CWC27: variants seen among roughly 807,000 people sequenced by gnomAD.
The protein encoded by CWC27 is CWC27 spliceosome associated cyclophilin.
In CWC27, 47 loss-of-function variants were observed where a neutral mutation model predicts 63.6. The ratio of observed to expected loss-of-function variants is 0.74; its 90% CI spans 0.58 to 0.94. The LOEUF (loss-of-function observed/expected upper bound fraction) is 0.94. CWC27 is among the 40% of genes least tolerant of loss of function. The pLI is 0.00. For missense variants in CWC27, 495 were observed against 554.3 expected (o/e 0.89, Z 1.07); for synonymous variants, 175 against 179.8 (o/e 0.97, Z 0.22).
intron 10 of CWC27, among the ~76,000 whole-genome samples, chr5:64,842,427 C>T (rs936303356): frequency 2.2e-4 from 34 of 151,964 alleles, no homozygotes; most frequent in African/African-American, 8.2e-4. Context: ...CCTCAGCCTC[C>T]TGAGTAGCTG....
chr5:64,860,412 G>T (rs1476481130), intron 10 of CWC27, among the ~76,000 whole-genome samples: 2 of 152,146 alleles, frequency 1.3e-5, no homozygotes, highest in Non-Finnish European at 2.9e-5. Flanking sequence ...CTAAGTGCCT[G>T]TGTTACCCTA....
At chr5:64,942,190 C>T (rs1406765928) in intron 11 of CWC27, among the ~76,000 whole-genome samples, 3 of 151,636 alleles carry the variant, frequency 2.0e-5, no homozygotes, top group Non-Finnish European at 2.9e-5. Flanking sequence ...TTTTAGGAGG[C>T]TGAGACAGGA....
intron 11 of CWC27, among the ~76,000 whole-genome samples, 193 bp downstream of exon 11, chr5:64,885,739 T>TGTGTG (rs1427858737): frequency 0.014 from 337 of 24,292 alleles, 2 homozygotes; most frequent in African/African-American, 0.026. Context: ...GTGTGTGTGT[T>TGTGTG]TTTAATACTT....
chr5:64,873,317 A>G (rs554989355), intron 10 of CWC27, among the ~76,000 whole-genome samples: 1 of 152,296 alleles, frequency 6.6e-6, no homozygotes, highest in Admixed American at 6.5e-5. Flanking sequence ...TAGTATTTCA[A>G]TTTTTAAAAT....
intron 13 of CWC27, among the ~76,000 whole-genome samples, chr5:65,011,435 C>T (rs1749954800): frequency 6.6e-6 from 1 of 152,186 alleles, no homozygotes; most frequent in Non-Finnish European, 1.5e-5. Flanking sequence ...AGATAACACT[C>T]AGCTAACTGA....
intron 11 of CWC27, among the ~76,000 whole-genome samples, chr5:64,969,884 A>G (rs1227838082): frequency 6.6e-6 from 1 of 152,132 alleles, no homozygotes; most frequent in Non-Finnish European, 1.5e-5. Context: ...GAATTAAGCA[A>G]GGAGAATTAA....
chr5:64,826,695 G>GTT (rs750357983), intron 10 of CWC27, among the ~76,000 whole-genome samples: 155 of 84,946 alleles, frequency 1.8e-3, no homozygotes, highest in African/African-American at 7.1e-3. Context: ...TAACTTTGGT[G>GTT]TTTTTTTGTT....
At chr5:64,963,376 T>C (rs1006842662) in intron 11 of CWC27, among the ~76,000 whole-genome samples, 2 of 152,200 alleles carry the variant, frequency 1.3e-5, no homozygotes, top group African/African-American at 4.8e-5. Context: ...AAAATATAGT[T>C]ATTAAATTCA....
intron 10 of CWC27, among the ~76,000 whole-genome samples, chr5:64,843,445 C>A (rs1202432232): frequency 6.6e-6 from 1 of 152,184 alleles, no homozygotes; most frequent in African/African-American, 2.4e-5. Flanking sequence ...AATTAACTCA[C>A]ATTGAGACAG....
rs139749401 is a variant in CWC27 at position 64,842,524 on chromosome 5, G to A, written c.938+38138G>A. 8.2e-3 allele frequency among the ~76,000 whole-genome samples: 1,246 copies of A among 151,946 alleles called. 8 individuals are homozygous for A. Among genetic ancestry groups the A allele is most frequent in the Admixed American group, 0.014 (209 of 15,266 alleles). ...TCACCATGTTAGCCAGGATGGTCTC[G>A]ATCTCCTGACCTCGTGATCCACTCT... On this transcript the variant is annotated intron_variant, in intron 10 of 13. Coordinates refer to ENST00000381070, the MANE Select transcript of CWC27 (RefSeq NM_005869.4).
At chr5:64,780,192 G>T (rs1161720731) in intron 2 of CWC27, among the ~76,000 whole-genome samples, 1 of 152,114 alleles carries the variant, frequency 6.6e-6, no homozygotes, top group Non-Finnish European at 1.5e-5. Flanking sequence ...CTTTCACTTA[G>T]CATGTTTTTG....
intron 10 of CWC27, among the ~76,000 whole-genome samples, chr5:64,840,392 AAAATAT>A (rs1561430472): frequency 4.6e-5 from 1 of 21,904 alleles, no homozygotes; most frequent in African/African-American, 1.8e-4. Context: ...AAAAAAAAAA[AAAATAT>A]ATATATATAT....
intron 10 of CWC27, among the ~76,000 whole-genome samples, chr5:64,856,623 T>A (rs891029754): frequency 2.0e-5 from 3 of 152,098 alleles, no homozygotes; most frequent in African/African-American, 7.2e-5. Flanking sequence ...TAAACATAAT[T>A]TCACAAATAA....
intron 13 of CWC27, among the ~76,000 whole-genome samples, chr5:65,008,000 TTGCC>T (rs1313492249): frequency 2.0e-5 from 3 of 152,250 alleles, no homozygotes; most frequent in Non-Finnish European, 4.4e-5. Context: ...TTAATCTTAA[TTGCC>T]TGCTTAAAGG....
intron 7 of CWC27, among the ~76,000 whole-genome samples, 188 bp from the exon 8 acceptor site, chr5:64,800,060 T>C (rs1349760118): frequency 6.6e-6 from 1 of 152,178 alleles, no homozygotes; most frequent in Non-Finnish European, 1.5e-5. Context: ...GTTTCTAAAA[T>C]ACTATTTTCA....
intron 10 of CWC27, among the ~76,000 whole-genome samples, chr5:64,849,449 A>G (rs1168522038): frequency 6.6e-6 from 1 of 152,184 alleles, no homozygotes; most frequent in Non-Finnish European, 1.5e-5. Flanking sequence ...TGTAATCCTC[A>G]GTATTGGAGT....
chr5:64,971,969 C>G (rs1049736175), intron 12 of CWC27, among the ~76,000 whole-genome samples, 157 bp downstream of exon 12: 3 of 152,160 alleles, frequency 2.0e-5, no homozygotes, highest in Non-Finnish European at 4.4e-5. Flanking sequence ...TGGCCACTCA[C>G]ATAAAGATTC....
intron 12 of CWC27, among the ~76,000 whole-genome samples, chr5:64,976,732 C>G (rs1749234187): frequency 6.6e-6 from 1 of 152,074 alleles, no homozygotes; most frequent in Admixed American, 6.6e-5. Flanking sequence ...TAGAGTCTCA[C>G]TACATTACCC....
intron 11 of CWC27, among the ~76,000 whole-genome samples, chr5:64,906,229 G>T (rs1747637897): frequency 6.6e-6 from 1 of 152,136 alleles, no homozygotes; most frequent in Non-Finnish European, 1.5e-5. Flanking sequence ...GGTATTTCTA[G>T]TTCTAGATCC....
Sources: allele counts gnomAD v4.1 joint callset (sites outside exome capture counted in the v4.1 genomes callset), GRCh38; gene constraint gnomAD v4.1.1; transcripts MANE v1.5; gene names NCBI Gene and HGNC (gene_info 2026-07-23, HGNC 2026-07-21).